The following THAP4 variants were observed in gnomAD, a reference collection of about 807,000 sequenced individuals.
THAP4 encodes the protein peroxynitrite isomerase THAP4.
Under a neutral mutation model 48.1 loss-of-function variants are expected in THAP4, and 18 were observed. That is an observed-to-expected ratio of 0.37 (90% confidence interval 0.26 to 0.56). The LOEUF (loss-of-function observed/expected upper bound fraction) is 0.56. THAP4 is among the 20% of genes least tolerant of loss of function. The pLI is 0.78. For missense variants in THAP4, 656 were observed against 774.9 expected, an observed-to-expected ratio of 0.85 and a Z score of 1.82; for synonymous variants, 345 against 324.9, an observed-to-expected ratio of 1.06 and a Z score of -0.66.
intron 2 of THAP4, among the ~76,000 whole-genome samples, chr2:241,608,965 G>C (rs1003115651): frequency 2.6e-5 from 4 of 152,244 alleles, no homozygotes; most frequent in Non-Finnish European, 4.4e-5. Flanking sequence ...TCTTGCTGGA[G>C]AGGAACAGGA....
In THAP4 at chr2:241,633,450, T is replaced by G; in HGVS notation, c.707A>C (p.His236Pro). ...GTGCTTAGAGGAGAAACTGTACGAA[T>G]GAAGTGAGCCGATAAATTTGCACGC... ...SGACKFIGSL[H>P]SYSFSSKHTR... Residue 236 changes from histidine (H) to proline (P), a missense_variant, in exon 2 of 6, where the codon CAT becomes CCT. Physicochemically the swap from His to Pro is moderately conservative, Grantham distance 77. Around this residue, in one of 4 missense-constraint regions of THAP4, gnomAD observed 391 missense variants for 412.4 expected, o/e 0.95. Transcript: ENST00000407315. The surrounding 1 kb of genome is among the most constrained non-coding windows in gnomAD (Gnocchi z 7.5). The G allele has an allele frequency of 6.2e-7, 1 of 1,613,838 alleles. No individual in the cohort carries two copies.
At chr2:241,605,081 A>G (rs1169123646) in intron 3 of THAP4, among the ~76,000 whole-genome samples, 1 of 152,224 alleles carries the variant, frequency 6.6e-6, no homozygotes, top group Non-Finnish European at 1.5e-5. Context: ...GTTATAATCT[A>G]TAGTTTAAAA....
In THAP4 at chr2:241,636,996, C is replaced by T. The variant is rs779997771; in HGVS notation, c.22G>A (p.Val8Met). The change falls in exon 1 of 6, where the codon GTG (valine) becomes ATG (methionine). Residue 8 changes from valine (V) to methionine (M), a missense_variant. Val to Met is a conservative substitution (Grantham distance 21). This residue lies in a region of THAP4 where 59 missense variants were observed against 45.8 expected (regional missense o/e 1.29). Coordinates refer to ENST00000407315, the MANE Select transcript of THAP4 (RefSeq NM_015963.6). MVICCAA[V>M]NCSNRQGKGE... is the part of the protein sequence containing the mutation. ...TTTCCCTGCCGGTTGGAGCAGTTCA[C>T]GGCCGCACAGCAGATCACCATCGCG... 5 of 1,317,106 alleles carry T rather than the reference C, an allele frequency of 3.8e-6. No homozygotes were observed. Among genetic ancestry groups the T allele is most frequent in the East Asian group, 4.9e-5 (1 of 20,458 alleles). The allele number at this position is 1,317,106 out of a possible 1,614,324, so 81.6% of individuals were successfully genotyped here.
intron 5 of THAP4, among the ~76,000 whole-genome samples, chr2:241,599,251 C>CAAA (rs199720828): frequency 6.1e-4 from 80 of 131,434 alleles, no homozygotes; most frequent in Middle Eastern, 4.0e-3. Context: ...GACTCTGTCT[C>CAAA]AAAAAAAAAA....
intron 2 of THAP4, among the ~76,000 whole-genome samples, chr2:241,621,649 G>A (rs942274384): frequency 6.6e-6 from 1 of 152,124 alleles, no homozygotes; most frequent in Non-Finnish European, 1.5e-5. Context: ...GGAGAATTGT[G>A]GGGCAAAAGT....
Position 241,616,191 on chromosome 2 carries a change from G to C in THAP4, c.1241-9718C>G, listed in dbSNP as rs937562506. 2.0e-5 allele frequency among the ~76,000 whole-genome samples: 3 copies of C among 152,216 alleles called. No individual in the cohort carries two copies. The highest frequency in any genetic ancestry group is 2.0e-4 in the Admixed American group (3 of 15,286). ...GGGCCAGAACCTTTTACGTAGGAGG[G>C]ACGTGGCCCGGGCTTTCTGCCTCGA... On this transcript the variant is annotated intron_variant, in intron 2 of 5. Transcript: ENST00000407315. The surrounding 1 kb of genome is among the most constrained non-coding windows in gnomAD (Gnocchi z 4.6).
At chr2:241,590,680 T>C (rs796437091) in intron 5 of THAP4, among the ~76,000 whole-genome samples, 375 of 108,312 alleles carry the variant, frequency 3.5e-3, no homozygotes, top group South Asian at 0.015. Flanking sequence ...TCAGAGCTGC[T>C]CGGCTGATGA....
intron 5 of THAP4, among the ~76,000 whole-genome samples, chr2:241,588,967 C>T (rs912774570): frequency 4.6e-5 from 7 of 152,138 alleles, no homozygotes; most frequent in Admixed American, 1.3e-4. Context: ...GTCATCTCAG[C>T]GCTTTGGGAG....
At chr2:241,624,752 C>T (rs913289398) in intron 2 of THAP4, among the ~76,000 whole-genome samples, 1 of 152,190 alleles carries the variant, frequency 6.6e-6, no homozygotes, top group Non-Finnish European at 1.5e-5. Context: ...CTCAAAGCCC[C>T]TAGCTTCTGT....
chr2:241,587,974 G>C (rs971037962), intron 5 of THAP4, among the ~76,000 whole-genome samples: 1 of 120,446 alleles, frequency 8.3e-6, no homozygotes, highest in Non-Finnish European at 1.6e-5. Flanking sequence ...GGGCAACACA[G>C]AATACCTTGT....
In THAP4 at chr2:241,633,078, C is replaced by A. The variant is rs2067587034; in HGVS notation, c.1079G>T (p.Cys360Phe). 17 of 1,613,904 alleles carry A rather than the reference C, an allele frequency of 1.1e-5. No homozygotes were observed. Among genetic ancestry groups the A allele is most frequent in the Admixed American group, 1.7e-5 (1 of 60,000 alleles). The change falls in exon 2 of 6, where the codon TGC becomes TTC. Residue 360 changes from cysteine to phenylalanine, a missense_variant. Transcript: ENST00000407315. The surrounding 1 kb of genome is among the most constrained non-coding windows in gnomAD (Gnocchi z 7.5). ...CTTCTCCACCTGCTCCCGCAGGCAG[C>A]ACACCTGGCTCTTGTTCTGCCGGGA... The part of the protein sequence containing the change: ...FSSRQNKSQV[C>F]CLREQVEKKN...
intron 5 of THAP4, among the ~76,000 whole-genome samples, chr2:241,595,538 G>A (rs2067036809): frequency 6.6e-6 from 1 of 151,994 alleles, no homozygotes; most frequent in South Asian, 2.1e-4. Flanking sequence ...TCGGGAGGCT[G>A]AGGCAGGAGA....
intron 5 of THAP4, among the ~76,000 whole-genome samples, chr2:241,593,603 C>A (rs2067014788): frequency 6.6e-6 from 1 of 152,234 alleles, no homozygotes; most frequent in East Asian, 1.9e-4. Flanking sequence ...GTGGCGTGGC[C>A]TGAGTGTCTC....
rs1315628294 is a variant in THAP4, at chr2:241,601,868, A to C, written c.1614+28T>G. 2 of 1,612,834 alleles carry C rather than the reference A, an allele frequency of 1.2e-6. No individual in the cohort carries two copies. Among genetic ancestry groups the C allele is most frequent in the East Asian group, 4.5e-5 (2 of 44,840 alleles). On this transcript the variant is annotated intron_variant, in intron 5 of 5. Coordinates refer to ENST00000407315, the MANE Select transcript of THAP4 (RefSeq NM_015963.6). This position sits in a 1 kb window ranked among gnomAD's most constrained non-coding sequence, Gnocchi z 4.0. ...CAGACCGCTGCAAACAGAAGACAGG[A>C]GCGTGCTGGGAGCAGGGCTGGGCTC... is the stretch of plus-strand genomic sequence containing the variant.
chr2:241,623,025 G>A (rs1228221702), intron 2 of THAP4, among the ~76,000 whole-genome samples: 1 of 150,514 alleles, frequency 6.6e-6, no homozygotes, highest in Non-Finnish European at 1.5e-5. Context: ...AGACCACCCT[G>A]GCCAACATGG....
chr2:241,589,280 A>G (rs2066929526), intron 5 of THAP4, among the ~76,000 whole-genome samples: 1 of 151,722 alleles, frequency 6.6e-6, no homozygotes. Flanking sequence ...TGGTTCTTCA[A>G]ATGGTACTGT....
At chr2:241,634,877 T>C (rs2067616247) in intron 1 of THAP4, among the ~76,000 whole-genome samples, 4 of 152,104 alleles carry the variant, frequency 2.6e-5, no homozygotes, top group Admixed American at 2.6e-4. Flanking sequence ...TTATACTGAA[T>C]GAAATAGGGC....
chr2:241,595,994 T>C (rs532699912), intron 5 of THAP4, among the ~76,000 whole-genome samples: 1 of 152,338 alleles, frequency 6.6e-6, no homozygotes, highest in African/African-American at 2.4e-5. Flanking sequence ...GAAAGGATGC[T>C]GGAAGCTCAC....
rs1166661119 is a variant in THAP4, at chr2:241,585,924, AAAAAAG to A, written c.1615-1205_1615-1200del. Among the ~76,000 whole-genome samples the A allele has an allele frequency of 3.3e-4, 47 of 144,398 alleles. 1 individual carries two copies. The East Asian group carries it at 5.3e-3, about 16-fold the overall frequency. 94.7% of individuals were successfully genotyped at this position (144,398 alleles called of 152,430 possible). ...CAAGACTCCTTCTCAAAAAAAAAAA[AAAAAAG>A]AAAAAAAAAAGAAAAAGAAAAAGAA... On this transcript the variant is annotated intron_variant, in intron 5 of 5. Transcript: ENST00000407315.
Sources: gnomAD v4.1 joint callset for allele counts (sites outside exome capture counted in the v4.1 genomes callset) on GRCh38, gnomAD v4.1.1 for gene constraint, gnomAD v4.1.1 regional missense constraint, Gnocchi (gnomAD v3.1) non-coding constraint, MANE v1.5 for transcripts, NCBI Gene and HGNC (gene_info 2026-07-23, HGNC 2026-07-21) for gene names.